The following CLEC16A variants were observed in gnomAD, a reference collection of about 807,000 sequenced individuals.
CLEC16A encodes the protein protein CLEC16A.
CLEC16A carries 51 observed loss-of-function variants against 109.5 expected under a neutral mutation model. That is an observed-to-expected ratio of 0.47 (90% CI 0.37 to 0.59). CLEC16A has a LOEUF of 0.59. CLEC16A is among the 20% of genes least tolerant of loss of function. CLEC16A has a pLI of 0.00. For synonymous variants in CLEC16A, 673 were observed against 564.2 expected, an observed-to-expected ratio of 1.19 and a Z score of -2.73; for missense variants, 1,339 against 1,394.0, an observed-to-expected ratio of 0.96 and a Z score of 0.63.
rs2141060254 is a variant in CLEC16A at position 11,179,009 on chromosome 16, T to C, written c.*319T>C. On this transcript the variant is annotated 3_prime_UTR_variant, in exon 24 of 24. Transcript: ENST00000409790. ...GGGTGGCAGGACCCACCGGCACCTC[T>C]TTCTTCCTCTGTCATATGGCTCCTC... is the stretch of plus-strand genomic sequence containing the variant. 1 of 315,336 alleles carries C rather than the reference T, an allele frequency of 3.2e-6. No individual in the cohort carries two copies. The allele number at this position is 315,336 out of a possible 1,614,324, so 19.5% of individuals were successfully genotyped here. A position where few individuals can be genotyped will look rare whatever the true frequency, so the allele number is the denominator to read the frequency against.
At position 10,944,779 on chromosome 16, in the gene CLEC16A, A is replaced by T; in HGVS notation, c.62A>T (p.His21Leu). 1.2e-6 allele frequency: 2 copies of T among 1,608,584 alleles called. No individual in the cohort carries two copies. Among genetic ancestry groups the T allele is most frequent in the Non-Finnish European group, 1.7e-6 (2 of 1,178,410 alleles). ...GGHGKTSRNIHSLDHLKYLYH... is the reference protein window; with the variant it reads ...GGHGKTSRNILSLDHLKYLYH... ...CATGGCAAGACTTCCCGCAACATCC[A>T]CTCCTTGGACCACCTCAAGTGAGTG... The change falls in exon 1 of 24, where the codon CAC becomes CTC. Residue 21 changes from histidine to leucine, a missense_variant. By Grantham distance (99) the His-to-Leu change is moderately conservative. Transcript: ENST00000409790.
At chr16:11,086,878 T>C (rs1597341127) in intron 19 of CLEC16A, among the ~76,000 whole-genome samples, 1 of 152,194 alleles carries the variant, frequency 6.6e-6, no homozygotes. Context: ...ATTCAGTTCA[T>C]GTCACCTCAG....
intron 11 of CLEC16A, among the ~76,000 whole-genome samples, chr16:11,017,137 G>A (rs552352541): frequency 7.0e-4 from 106 of 152,236 alleles, no homozygotes; most frequent in South Asian, 4.1e-3. Context: ...AGACTTTGTC[G>A]GGGAGTGGCC....
intron 12 of CLEC16A, among the ~76,000 whole-genome samples, chr16:11,022,843 G>C (rs974229309): frequency 1.3e-5 from 2 of 149,654 alleles, no homozygotes; most frequent in East Asian, 3.9e-4. Context: ...AGCTTGCAGT[G>C]AGCCGAGATC....
intron 22 of CLEC16A, among the ~76,000 whole-genome samples, chr16:11,134,972 A>T (rs1164741434): frequency 1.3e-5 from 2 of 152,258 alleles, no homozygotes; most frequent in Non-Finnish European, 2.9e-5. Flanking sequence ...CCTGCAAAGC[A>T]GCAATCCAGA....
At chr16:11,050,922 C>T (rs1286231438) in intron 17 of CLEC16A, among the ~76,000 whole-genome samples, 2 of 152,222 alleles carry the variant, frequency 1.3e-5, no homozygotes, top group Non-Finnish European at 2.9e-5. Context: ...GGCCCTGGAG[C>T]AAGACAGGCC....
Position 11,120,720 on chromosome 16 carries a change from T to C in CLEC16A, c.2222T>C (p.Val741Ala). 1 of 1,599,132 alleles carries C rather than the reference T, an allele frequency of 6.3e-7. No individual in the cohort carries two copies. The highest frequency in any genetic ancestry group is 8.5e-7 in the Non-Finnish European group (1 of 1,172,632). The change falls in exon 20 of 24, where the codon GTG (valine) becomes GCG (alanine). Residue 741 changes from valine to alanine, a missense_variant. This residue lies in a region of CLEC16A where 1,061 missense variants were observed against 1,006.8 expected (regional missense o/e 1.05). Transcript: ENST00000409790. The part of the protein sequence containing the change: ...IYQMSLVEPD[V>A]SRLGWGVVKF... ...CAGATGAGTTTGGTGGAGCCTGATG[T>C]GTCCAGGCTTGGCTGGGGAGTGGTC...
intron 3 of CLEC16A, among the ~76,000 whole-genome samples, chr16:10,965,462 CT>C (rs1319108883): frequency 6.6e-6 from 1 of 152,204 alleles, no homozygotes; most frequent in African/African-American, 2.4e-5. Flanking sequence ...CTGCTGTTTG[CT>C]TTTCTTTTTC....
At chr16:11,042,232 C>G in intron 14 of CLEC16A, 22 bp from the exon 15 acceptor site, 1 of 1,553,734 alleles carries the variant, frequency 6.4e-7, no homozygotes, top group Non-Finnish European at 8.7e-7. Flanking sequence ...GTGTGCAAGG[C>G]TTACCCTGGT....
At chr16:11,053,772 C>T (rs1174528955) in intron 18 of CLEC16A, among the ~76,000 whole-genome samples, 1 of 152,148 alleles carries the variant, frequency 6.6e-6, no homozygotes, top group Admixed American at 6.5e-5. Context: ...AATGTGGCCC[C>T]CAGAACCTAG....
chr16:11,029,838 C>T (rs893107270), intron 13 of CLEC16A, among the ~76,000 whole-genome samples: 2 of 152,164 alleles, frequency 1.3e-5, no homozygotes, highest in Non-Finnish European at 2.9e-5. Flanking sequence ...ATGATCAAGG[C>T]AGTGTATAAT....
At position 11,178,213 on chromosome 16, in the gene CLEC16A, C is replaced by G. The variant is rs1323238156; in HGVS notation, c.2807-122C>G. 1.2e-6 allele frequency: 1 copy of G among 824,548 alleles called. No individual in the cohort carries two copies. Among genetic ancestry groups the G allele is most frequent in the African/African-American group, 1.7e-5 (1 of 58,748 alleles). The allele number at this position is 824,548 out of a possible 1,614,324, so 51.1% of individuals were successfully genotyped here. A position where few individuals can be genotyped will look rare whatever the true frequency, so the allele number is the denominator to read the frequency against. On this transcript the variant is annotated intron_variant, in intron 23 of 23. Transcript: ENST00000409790. This position sits in a 1 kb window ranked among gnomAD's most constrained non-coding sequence, Gnocchi z 6.5. ...TGAGTGGAGCCACGCTGAGCCCTCA[C>G]GCCAGCCAGCCACCTCCCACCTAGC...
At chr16:11,123,458 C>T (rs2052576709) in intron 20 of CLEC16A, among the ~76,000 whole-genome samples, 1 of 152,140 alleles carries the variant, frequency 6.6e-6, no homozygotes, top group Non-Finnish European at 1.5e-5. Flanking sequence ...CGCTGTTATT[C>T]ATGAGCTGAC....
At chr16:11,166,629 C>T in intron 23 of CLEC16A, 77 bp downstream of exon 23, 1 of 1,373,874 alleles carries the variant, frequency 7.3e-7, no homozygotes, top group Non-Finnish European at 9.6e-7. Context: ...AAACCCCTGA[C>T]CTCCAGGTCC....
chr16:11,138,432 G>A (rs1417277183), intron 22 of CLEC16A, among the ~76,000 whole-genome samples: 1 of 152,236 alleles, frequency 6.6e-6, no homozygotes, highest in African/African-American at 2.4e-5. Flanking sequence ...GGAAGCCATT[G>A]AAGGTTCTAA....
chr16:11,172,922 A>G (rs959014100), intron 23 of CLEC16A, among the ~76,000 whole-genome samples: 2 of 152,162 alleles, frequency 1.3e-5, no homozygotes, highest in Non-Finnish European at 2.9e-5. Flanking sequence ...ACATTGGGTT[A>G]TGAGTCATGG....
intron 19 of CLEC16A, among the ~76,000 whole-genome samples, chr16:11,078,275 C>T (rs574946376): frequency 1.9e-4 from 29 of 152,120 alleles, no homozygotes; most frequent in Non-Finnish European, 3.8e-4. Flanking sequence ...TTCTGAGTCA[C>T]TGGCTCCGGG....
At chr16:11,109,324 T>A (rs2051424688) in intron 19 of CLEC16A, among the ~76,000 whole-genome samples, 1 of 151,966 alleles carries the variant, frequency 6.6e-6, no homozygotes, top group Non-Finnish European at 1.5e-5. Context: ...CAGCTAATTT[T>A]TTTATTATTT....
chr16:11,134,917 A>G (rs953469189), intron 22 of CLEC16A, among the ~76,000 whole-genome samples: 2 of 152,208 alleles, frequency 1.3e-5, no homozygotes, highest in African/African-American at 4.8e-5. Context: ...GCATAGGCCC[A>G]CATCCTCGTG....
Sources: allele counts gnomAD v4.1 joint callset (sites outside exome capture counted in the v4.1 genomes callset), GRCh38; gene constraint gnomAD v4.1.1; regional missense constraint gnomAD v4.1.1; non-coding constraint Gnocchi (gnomAD v3.1); transcripts MANE v1.5; gene names NCBI Gene and HGNC (gene_info 2026-07-23, HGNC 2026-07-21).